The following GGT1 variants were observed in gnomAD, a reference collection of about 807,000 sequenced individuals.
GGT1 encodes glutathione hydrolase 1 proenzyme.
GGT1 carries 21 observed loss-of-function variants against 56.0 expected under a neutral mutation model. That is an observed-to-expected ratio of 0.38 (90% CI 0.27 to 0.54). The LOEUF is 0.54. Among genes scored for constraint, GGT1 ranks in the 20% least tolerant of loss-of-function variants. The probability of loss-of-function intolerance (pLI) is 0.82; values close to 1 mark genes in which losing one functional copy is unlikely to be tolerated. For missense variants in GGT1, 466 were observed against 787.0 expected (o/e 0.59, Z 4.88); for synonymous variants, 238 against 342.6 (o/e 0.69, Z 3.37).
upstream of GGT1, chr22:24,592,729 C>T (rs2045608325): frequency 1.5e-6 from 2 of 1,297,098 alleles, no homozygotes; most frequent in Non-Finnish European, 2.0e-6. Context: ...CCCGCCTGCG[C>T]GCGCCAGAGA....
the GGT1 span, chr22:24,588,405 G>A: frequency 1.7e-6 from 2 of 1,165,226 alleles, no homozygotes; most frequent in East Asian, 2.4e-5. Flanking sequence ...GAGGGACCCA[G>A]GCAGCCAAGT....
upstream of GGT1, among the ~76,000 whole-genome samples, chr22:24,593,361 G>A (rs959256779): frequency 6.6e-6 from 1 of 152,162 alleles, no homozygotes; most frequent in Non-Finnish European, 1.5e-5. Context: ...GCTGACTGGG[G>A]AATAGTCGCT....
At chr22:24,624,459 G>A in intron 11 of GGT1, 18 of 980,214 alleles carry the variant, frequency 1.8e-5, no homozygotes, top group Non-Finnish European at 2.2e-5. Flanking sequence ...TGGCATTCCT[G>A]GGCGGATCTG....
chr22:24,626,303 C>CCAAAGTGCTGG (rs2147526416), intron 11 of GGT1, among the ~76,000 whole-genome samples: 1 of 139,886 alleles, frequency 7.1e-6, no homozygotes, highest in African/African-American at 2.9e-5. Flanking sequence ...CGTGAGCCAC[C>CCAAAGTGCTGG]GCGCCCGGTG....
upstream of GGT1, among the ~76,000 whole-genome samples, chr22:24,602,977 AGGTCTCTCATTCAG>A (rs1389202998): frequency 6.6e-6 from 1 of 152,216 alleles, no homozygotes; most frequent in Admixed American, 6.5e-5. Context: ...TTCAGAGTTC[AGGTCTCTCATTCAG>A]GGTTTGAGAC....
intron 1 of GGT1, among the ~76,000 whole-genome samples, chr22:24,595,865 A>C (rs2045684412): frequency 6.6e-6 from 1 of 152,184 alleles, no homozygotes; most frequent in Non-Finnish European, 1.5e-5. Context: ...ACCCAGTAGT[A>C]TTGTTCAAGC....
At chr22:24,605,805 G>GTATTATATATTATATAA in intron 1 of GGT1, among the ~76,000 whole-genome samples, 1 of 61,562 alleles carries the variant, frequency 1.6e-5, no homozygotes, top group Non-Finnish European at 2.5e-5. Context: ...TATATGATGT[G>GTATTATATATTATATAA]TATTATATAT....
At chr22:24,599,453 G>C (rs1490240730), upstream of GGT1, 1 of 152,318 alleles carries the variant, frequency 6.6e-6, no homozygotes, top group Non-Finnish European at 1.5e-5. Flanking sequence ...GTTGGGGAGG[G>C]GTGTGCTCAG....
intron 1 of GGT1, among the ~76,000 whole-genome samples, chr22:24,596,417 T>C (rs543817831): frequency 1.3e-5 from 2 of 152,298 alleles, no homozygotes; most frequent in Admixed American, 1.3e-4. Context: ...CACTCCAGTC[T>C]CTGAAACCAT....
upstream of GGT1, chr22:24,589,912 A>T: frequency 6.2e-7 from 1 of 1,611,826 alleles, no homozygotes; most frequent in South Asian, 1.1e-5. Flanking sequence ...ATCTCTGTAG[A>T]GGATATCAGG....
chr22:24,618,950 T>C lies in GGT1; in HGVS notation c.383-1378T>C, dbSNP rs868471475. ...CAGGGGTGTGTTTCCAATGACCTCC[T>C]CAAAAGTCAGAACTGGAAGGCAAAA... On this transcript the variant is annotated intron_variant, in intron 7 of 15. Transcript: ENST00000400382. 6.6e-5 allele frequency among the ~76,000 whole-genome samples: 10 copies of C among 152,172 alleles called. No individual in the cohort carries two copies. In the South Asian group the frequency reaches 1.0e-3, roughly 16 times the overall value.
At chr22:24,627,166 T>C in intron 11 of GGT1, 1 of 975,496 alleles carries the variant, frequency 1.0e-6, no homozygotes, top group African/African-American at 1.7e-5. Context: ...ATTTTTTGCA[T>C]GAAGGAATGA....
rs1601738393 is a variant in GGT1 at position 24,621,010 on chromosome 22, G to T, written c.673G>T (p.Ala225Ser). The change falls in exon 9 of 16, where the codon GCC becomes TCC. Residue 225 changes from alanine (A) to serine (S), a missense_variant. Transcript: ENST00000400382. ...CTACGAGACGCTGGCCATCGAGGGT[G>T]CCCAGGCCTTCTACAACGGCAGCCT... ...DTYETLAIEGAQAFYNGSLTA... is the reference protein window; with the variant it reads ...DTYETLAIEGSQAFYNGSLTA... 1 of 1,610,586 alleles carries T rather than the reference G, an allele frequency of 6.2e-7. No homozygotes were observed. The highest frequency in any genetic ancestry group is 1.1e-5 in the South Asian group (1 of 90,710).
intron 11 of GGT1, chr22:24,627,177 G>A: frequency 9.2e-7 from 1 of 1,087,158 alleles, no homozygotes. Context: ...GAAGGAATGA[G>A]TGATTGAATG....
rs866304792 is a variant in GGT1 at position 24,605,431 on chromosome 22, T to A, written c.-429+1904T>A. The stretch of plus-strand genomic sequence containing the variant: ...ATATTATATAATATGTATTATATAT[T>A]ATATAACAATATATAATGTGTATTA... On this transcript the variant is annotated intron_variant, in intron 1 of 15. Coordinates refer to ENST00000400382, the MANE Select transcript of GGT1 (RefSeq NM_001288833.2). Among the ~76,000 whole-genome samples the A allele has an allele frequency of 2.7e-4, 21 of 78,546 alleles. 3 individuals are homozygous for A. The highest frequency in any genetic ancestry group is 7.2e-4 in the Admixed American group (3 of 4,172). The allele number at this position is 78,546 out of a possible 152,430, so 51.5% of individuals were successfully genotyped here. A position where few individuals can be genotyped will look rare whatever the true frequency, so the allele number is the denominator to read the frequency against.
chr22:24,628,059 T>C lies in GGT1; in HGVS notation c.1337-22T>C, dbSNP rs899635435. On this transcript the variant is annotated intron_variant, in intron 13 of 15. Coordinates refer to ENST00000400382, the MANE Select transcript of GGT1 (RefSeq NM_001288833.2). The surrounding 1 kb of genome is among the most constrained non-coding windows in gnomAD (Gnocchi z 5.7). ...TGGGCAGGCAGCTGACGGGCATCCC[T>C]GTCTTCTCCCATCGGCCGCAGGGAA... The C allele has an allele frequency of 1.2e-6, 2 of 1,611,516 alleles. No homozygotes were observed. Among genetic ancestry groups the C allele is most frequent in the Non-Finnish European group, 8.5e-7 (1 of 1,179,780 alleles).
chr22:24,614,601 C>T (rs1466126406), intron 5 of GGT1, among the ~76,000 whole-genome samples, 175 bp from the exon 6 acceptor site: 38 of 124,540 alleles, frequency 3.1e-4, no homozygotes, highest in African/African-American at 1.2e-3. Context: ...GGCAATAGAG[C>T]AAGACTCCAT....
chr22:24,624,200 A>C, intron 11 of GGT1: 3 of 985,160 alleles, frequency 3.0e-6, no homozygotes. Flanking sequence ...TGAGGAATGC[A>C]TGGGGGCATT....
At position 24,620,368 on chromosome 22, in the gene GGT1, T is replaced by G. The variant is rs1245956465; in HGVS notation, c.423T>G (p.Tyr141Ter). The G allele has an allele frequency of 5.6e-6, 9 of 1,611,714 alleles. No individual in the cohort carries two copies. Among genetic ancestry groups the G allele is most frequent in the Admixed American group, 1.7e-5 (1 of 60,008 alleles). ...CGGTGCCTGGGGAGATCCGAGGCTA[T>G]GAGCTGGCACACCAGCGGCATGGGC... Reference protein sequence around the residue: ...SVAVPGEIRGYELAHQRHGRL... With the variant: ...SVAVPGEIRG Residue 141 changes from tyrosine (Y) to a stop codon, truncating the protein, a stop_gained, in exon 8 of 16, where the codon TAT becomes TAG. Coordinates refer to ENST00000400382, the MANE Select transcript of GGT1 (RefSeq NM_001288833.2). LOFTEE classifies it high-confidence loss of function. The surrounding 1 kb of genome is among the most constrained non-coding windows in gnomAD (Gnocchi z 5.6).
Sources: gnomAD v4.1 joint callset for allele counts (sites outside exome capture counted in the v4.1 genomes callset) on GRCh38, gnomAD v4.1.1 for gene constraint, Gnocchi (gnomAD v3.1) non-coding constraint, MANE v1.5 for transcripts, NCBI Gene and HGNC (gene_info 2026-07-23, HGNC 2026-07-21) for gene names.